The following RAD51B variants were observed in gnomAD, a reference collection of about 807,000 sequenced individuals.
RAD51B encodes DNA repair protein RAD51 homolog 2.
In RAD51B, 38 loss-of-function variants were observed where a neutral mutation model predicts 42.2. That is an observed-to-expected ratio of 0.90 (90% CI 0.70 to 1.18). The LOEUF (loss-of-function observed/expected upper bound fraction) is 1.18, where lower values mean the gene tolerates loss of function less well. RAD51B is among the 50% of genes most tolerant of loss of function. The pLI, the probability that RAD51B is intolerant of heterozygous loss-of-function variation, is 0.00. For missense variants in RAD51B, 373 were observed against 400.7 expected (o/e 0.93, Z 0.59); for synonymous variants, 154 against 145.2 (o/e 1.06, Z -0.43).
At chr14:68,231,050 A>G (rs751678914) in intron 7 of RAD51B, among the ~76,000 whole-genome samples, 48 of 152,202 alleles carry the variant, frequency 3.2e-4, no homozygotes, top group Admixed American at 1.9e-3. Flanking sequence ...CCTCAAAACA[A>G]ATAGCTAGAG....
chr14:68,502,164 A>AG, intron 10 of RAD51B, among the ~76,000 whole-genome samples: 1 of 152,368 alleles, frequency 6.6e-6, no homozygotes, highest in East Asian at 1.9e-4. Flanking sequence ...AAAGCCTGTC[A>AG]ATGGAAAGAT....
chr14:67,844,069 A>G (rs745661144), intron 4 of RAD51B, among the ~76,000 whole-genome samples: 7 of 152,084 alleles, frequency 4.6e-5, no homozygotes, highest in Non-Finnish European at 1.0e-4. Flanking sequence ...CATTAGTTTC[A>G]AAGAATTTCT....
intron 7 of RAD51B, among the ~76,000 whole-genome samples, chr14:68,094,150 C>T (rs544673802): frequency 1.4e-4 from 21 of 152,158 alleles, no homozygotes; most frequent in South Asian, 4.1e-4. Flanking sequence ...ATTGTTGTGA[C>T]GATTTAAGAT....
intron 7 of RAD51B, among the ~76,000 whole-genome samples, chr14:68,099,597 T>C (rs1194039422): frequency 5.9e-5 from 9 of 152,134 alleles, no homozygotes; most frequent in Non-Finnish European, 1.2e-4. Context: ...AGTAAGCCCC[T>C]GTGCCCTTGA....
chr14:68,426,397 G>A (rs999792378), intron 9 of RAD51B, among the ~76,000 whole-genome samples: 3 of 152,108 alleles, frequency 2.0e-5, no homozygotes, highest in African/African-American at 7.2e-5. Context: ...TTCTGATGAG[G>A]TATCAGACAG....
chr14:68,275,765 G>C (rs2081208687), intron 7 of RAD51B, among the ~76,000 whole-genome samples: 1 of 148,116 alleles, frequency 6.8e-6, no homozygotes, highest in South Asian at 2.1e-4. Context: ...GCAGAATTTA[G>C]CTTCTAAATA....
chr14:68,020,335 T>G (rs1397522217), intron 7 of RAD51B, among the ~76,000 whole-genome samples: 1 of 152,124 alleles, frequency 6.6e-6, no homozygotes, highest in African/African-American at 2.4e-5. Flanking sequence ...GGTCTTGAAC[T>G]CCTGAGCTCA....
At chr14:67,857,728 A>C (rs898772181) in intron 4 of RAD51B, among the ~76,000 whole-genome samples, 1 of 152,234 alleles carries the variant, frequency 6.6e-6, no homozygotes, top group African/African-American at 2.4e-5. Context: ...TTAATGATGG[A>C]AGATTTTTCT....
At chr14:68,416,528 C>T (rs1228152956) in intron 9 of RAD51B, among the ~76,000 whole-genome samples, 1 of 152,184 alleles carries the variant, frequency 6.6e-6, no homozygotes, top group Admixed American at 6.5e-5. Context: ...TGTAGCTACT[C>T]GTGAACCCAG....
At chr14:67,939,487 A>G (rs1275313817) in intron 7 of RAD51B, among the ~76,000 whole-genome samples, 1 of 152,214 alleles carries the variant, frequency 6.6e-6, no homozygotes. Flanking sequence ...AAAAAAGGCA[A>G]GAGTGAAAAA....
chr14:68,677,865 C>T lies in RAD51B; in HGVS notation c.*11+27009C>T, dbSNP rs537496662. 1.1e-4 allele frequency among the ~76,000 whole-genome samples: 16 copies of T among 152,208 alleles called. No homozygotes were observed. In the East Asian group the frequency reaches 1.7e-3, roughly 17 times the overall value. On this transcript the variant is annotated intron_variant, in intron 11 of 11. Coordinates refer to the RAD51B transcript ENST00000488612. Reference sequence around the variant, plus strand: ...CATTGCAGGCTGATAAGATGCCATCCGAGTACACAGAGGTCTTCTGCAGGC... The same window carrying T: ...CATTGCAGGCTGATAAGATGCCATCTGAGTACACAGAGGTCTTCTGCAGGC...
intron 8 of RAD51B, among the ~76,000 whole-genome samples, chr14:68,313,420 C>CA (rs1167262394): frequency 6.6e-6 from 1 of 152,200 alleles, no homozygotes; most frequent in East Asian, 1.9e-4. Context: ...TTCTGTCTTT[C>CA]ATGGGTAGCT....
At chr14:67,911,869 C>A (rs1448009063) in intron 7 of RAD51B, among the ~76,000 whole-genome samples, 1 of 152,072 alleles carries the variant, frequency 6.6e-6, no homozygotes, top group Non-Finnish European at 1.5e-5. Context: ...ACCTGTGTTC[C>A]AGAACCATTA....
intron 9 of RAD51B, among the ~76,000 whole-genome samples, chr14:68,414,824 C>A (rs1213114807): frequency 3.6e-5 from 5 of 138,826 alleles, no homozygotes; most frequent in African/African-American, 1.1e-4. Context: ...GAGTTCGAGA[C>A]CAGCCTGACC....
At position 68,535,204 on chromosome 14, in the gene RAD51B, C is replaced by T. The variant is rs79073161; in HGVS notation, c.1037-59281C>T. Among the ~76,000 whole-genome samples the T allele has an allele frequency of 6.3e-3, 956 of 152,230 alleles. 13 individuals carry two copies. The highest frequency in any genetic ancestry group is 0.022 in the African/African-American group (928 of 41,532). ...TGGTAAAAGACCAAGGAGGCTAGAC[C>T]TCTAGTGGAGACTGAGGTTAAAAGT... On this transcript the variant is annotated intron_variant, in intron 10 of 10. Transcript: ENST00000487270.
chr14:68,495,579 C>T (rs1397677424), intron 10 of RAD51B, among the ~76,000 whole-genome samples: 2 of 152,064 alleles, frequency 1.3e-5, no homozygotes, highest in Non-Finnish European at 2.9e-5. Flanking sequence ...AAAAGGAACT[C>T]GAAGCACGGG....
In RAD51B at chr14:68,322,630, A is replaced by G. The variant is rs570576642; in HGVS notation, c.853+30650A>G. Among the ~76,000 whole-genome samples, 16 of 152,282 alleles carry G rather than the reference A, an allele frequency of 1.1e-4. No homozygotes were observed. The East Asian group carries it at 3.1e-3, about 29-fold the overall frequency. On this transcript the variant is annotated intron_variant, in intron 8 of 10. Coordinates refer to ENST00000471583, the MANE Select transcript of RAD51B (RefSeq NM_133510.4). ...GATTGGCTGATTTGAGCTTTTGCAG[A>G]TTAGGAAATAGTTGGCCTAGAGCTA...
At chr14:67,828,847 C>G (rs952994506) in intron 3 of RAD51B, among the ~76,000 whole-genome samples, 1 of 152,084 alleles carries the variant, frequency 6.6e-6, no homozygotes, top group Non-Finnish European at 1.5e-5. Context: ...GTCTATGTGT[C>G]TGTTTTTGTA....
At chr14:67,829,931 G>C (rs1449832929) in intron 3 of RAD51B, among the ~76,000 whole-genome samples, 1 of 152,114 alleles carries the variant, frequency 6.6e-6, no homozygotes, top group African/African-American at 2.4e-5. Flanking sequence ...GGGTCAGGAG[G>C]ACCCTTGCAA....
Sources: allele counts gnomAD v4.1 joint callset (sites outside exome capture counted in the v4.1 genomes callset), GRCh38; gene constraint gnomAD v4.1.1; transcripts MANE v1.5; gene names NCBI Gene and HGNC (gene_info 2026-07-23, HGNC 2026-07-21).